Variants in SLC71A2 observed in about 807,000 individuals in gnomAD.
SLC71A2 encodes hippocampus abundant transcript-like 1.
chr9:94,423,847 TGGATGACACTAATTTTAATTG>T, the SLC71A2 span, among the ~76,000 whole-genome samples: 2 of 152,188 alleles, frequency 1.3e-5, no homozygotes, highest in Non-Finnish European at 2.9e-5. Context: ...TTAATGCCTT[TGGATGACACTAATTTTAATTG>T]AATTTAAGTT....
the SLC71A2 span, among the ~76,000 whole-genome samples, chr9:94,391,835 C>T: frequency 3.3e-5 from 5 of 151,108 alleles, no homozygotes; most frequent in Admixed American, 6.6e-5. Context: ...GCCGAGATTG[C>T]GCCACTGCAC....
chr9:94,398,548 A>G, the SLC71A2 span, among the ~76,000 whole-genome samples: 2 of 152,292 alleles, frequency 1.3e-5, no homozygotes, highest in Admixed American at 6.5e-5. Context: ...AAATGGGTCC[A>G]GGTGCTGGAG....
At chr9:94,415,593 A>G in the SLC71A2 span, among the ~76,000 whole-genome samples, 2 of 152,234 alleles carry the variant, frequency 1.3e-5, no homozygotes, top group African/African-American at 4.8e-5. Flanking sequence ...CGTGGAAGAC[A>G]ATGTTTCCAC....
the SLC71A2 span, among the ~76,000 whole-genome samples, chr9:94,383,225 C>A: frequency 2.2e-5 from 3 of 137,862 alleles, no homozygotes; most frequent in Non-Finnish European, 4.6e-5. Flanking sequence ...TGCAGTGGCG[C>A]AATCTCGGCT....
the SLC71A2 span, among the ~76,000 whole-genome samples, chr9:94,413,659 CAA>C: frequency 2.6e-4 from 27 of 101,956 alleles, no homozygotes; most frequent in Middle Eastern, 5.3e-3. Context: ...GACTTCATCT[CAA>C]AAAAAAAAAA....
the SLC71A2 span, among the ~76,000 whole-genome samples, chr9:94,407,957 G>A: frequency 1.3e-5 from 2 of 152,078 alleles, no homozygotes; most frequent in South Asian, 4.1e-4. Flanking sequence ...CTGTTAGTCA[G>A]TCAGCCATCA....
chr9:94,399,156 CTG>C, the SLC71A2 span, among the ~76,000 whole-genome samples: 2 of 152,192 alleles, frequency 1.3e-5, no homozygotes, highest in Admixed American at 6.5e-5. Flanking sequence ...ACTACTCAGT[CTG>C]TACAGAAACA....
At chr9:94,397,231 A>G in the SLC71A2 span, among the ~76,000 whole-genome samples, 1 of 152,176 alleles carries the variant, frequency 6.6e-6, no homozygotes, top group East Asian at 1.9e-4. Context: ...CCTATACTCC[A>G]TACCCATATT....
chr9:94,451,190 A>G, the SLC71A2 span, among the ~76,000 whole-genome samples: 1 of 152,084 alleles, frequency 6.6e-6, no homozygotes. Context: ...TGGGTTGGGG[A>G]TGGAGAGGGT....
the SLC71A2 span, among the ~76,000 whole-genome samples, chr9:94,434,936 C>G: frequency 6.6e-6 from 1 of 152,200 alleles, no homozygotes; most frequent in Non-Finnish European, 1.5e-5. Context: ...TACTGTTTCT[C>G]TGTATATCCT....
chr9:94,379,345 CA>C, the SLC71A2 span, among the ~76,000 whole-genome samples: 1 of 147,480 alleles, frequency 6.8e-6, no homozygotes, highest in Non-Finnish European at 1.5e-5. Flanking sequence ...CTTGGCCTCC[CA>C]AAGTGCTGGA....
chr9:94,378,126 C>CAA, the SLC71A2 span, among the ~76,000 whole-genome samples: 120 of 141,446 alleles, frequency 8.5e-4, no homozygotes, highest in South Asian at 2.5e-3. Flanking sequence ...ACTCCATTTC[C>CAA]AAAAAAAAAA....
chr9:94,426,587 G>T, the SLC71A2 span, among the ~76,000 whole-genome samples: 9,468 of 152,090 alleles, frequency 0.062, 443 homozygotes, highest in African/African-American at 0.13. Flanking sequence ...TATATCTGTG[G>T]AAGTGGAGAA....
chr9:94,375,736 CAT>C, the SLC71A2 span, among the ~76,000 whole-genome samples: 1 of 150,242 alleles, frequency 6.7e-6, no homozygotes, highest in East Asian at 2.0e-4. Flanking sequence ...AAATTAAATA[CAT>C]GTTTTTGGCT....
At chr9:94,439,022 G>GTTTTTTTTTTTTTTTTTTT in the SLC71A2 span, among the ~76,000 whole-genome samples, 5 of 115,688 alleles carry the variant, frequency 4.3e-5, no homozygotes, top group African/African-American at 9.8e-5. Flanking sequence ...ATTTGAGTTC[G>GTTTTTTTTTTTTTTTTTTT]TTTTTTTTTT....
At chr9:94,451,235 G>A in the SLC71A2 span, among the ~76,000 whole-genome samples, 1 of 152,122 alleles carries the variant, frequency 6.6e-6, no homozygotes, top group African/African-American at 2.4e-5. Context: ...AATAGAAAAT[G>A]TCTATAAAAC....
At chr9:94,413,197 T>C in the SLC71A2 span, among the ~76,000 whole-genome samples, 2 of 151,886 alleles carry the variant, frequency 1.3e-5, no homozygotes, top group Non-Finnish European at 2.9e-5. Context: ...ATGTGAGAAC[T>C]AAATGCAGTG....
chr9:94,446,414 T>TACCTATA, the SLC71A2 span, among the ~76,000 whole-genome samples: 3 of 152,252 alleles, frequency 2.0e-5, no homozygotes, highest in South Asian at 6.2e-4. Flanking sequence ...AGAGTGAATT[T>TACCTATA]ACCTATACGG....
the SLC71A2 span, among the ~76,000 whole-genome samples, chr9:94,420,594 AC>A: frequency 6.8e-6 from 1 of 148,142 alleles, no homozygotes; most frequent in Non-Finnish European, 1.5e-5. Flanking sequence ...GGTTTATAAT[AC>A]TTTTTTTTTT....
Sources: allele counts gnomAD v4.1 joint callset (sites outside exome capture counted in the v4.1 genomes callset), GRCh38; gene constraint gnomAD v4.1.1; transcripts MANE v1.5; gene names NCBI Gene and HGNC (gene_info 2026-07-23, HGNC 2026-07-21).